Variants in WWOX observed in about 807,000 individuals in gnomAD.
WWOX encodes WW domain-containing oxidoreductase.
Under a neutral mutation model 46.2 loss-of-function variants are expected in WWOX, and 69 were observed. The observed-to-expected ratio is 1.49, with a 90% confidence interval of 1.23 to 1.82. WWOX has a LOEUF of 1.82. Ranked by LOEUF, WWOX falls within the 40% of genes most tolerant of loss-of-function variation. The probability of loss-of-function intolerance (pLI) is 0.00; values close to 1 mark genes in which losing one functional copy is unlikely to be tolerated. For synonymous variants in WWOX, 359 were observed against 202.6 expected (o/e 1.77, Z -6.56); for missense variants, 919 against 542.6 (o/e 1.69, Z -6.89).
chr16:78,417,706 A>G (rs1320350594), intron 6 of WWOX, among the ~76,000 whole-genome samples: 1 of 152,180 alleles, frequency 6.6e-6, no homozygotes, highest in African/African-American at 2.4e-5. Context: ...TTCTGCTTTG[A>G]TTTGAAGCAG....
chr16:78,348,996 G>A (rs2081141031), intron 5 of WWOX, among the ~76,000 whole-genome samples: 1 of 120,154 alleles, frequency 8.3e-6, no homozygotes, highest in South Asian at 2.5e-4. Context: ...GTACTGGTCT[G>A]CTCAGGCTGC....
In WWOX at chr16:78,498,074, G is replaced by A. The variant is rs556094050; in HGVS notation, c.1056+65322G>A. Among the ~76,000 whole-genome samples the A allele has an allele frequency of 1.8e-3, 266 of 151,748 alleles. 2 individuals carry two copies. Among genetic ancestry groups the A allele is most frequent in the African/African-American group, 5.8e-3 (239 of 41,468 alleles). On this transcript the variant is annotated intron_variant, in intron 8 of 8. Coordinates refer to ENST00000566780, the MANE Select transcript of WWOX (RefSeq NM_016373.4). ...AAAGAAATTAGCTGTGCGTGGTGGC[G>A]GGCGCCTGTAGTCCCAGCTACTTGG...
At chr16:79,169,477 C>T (rs909491706) in intron 8 of WWOX, among the ~76,000 whole-genome samples, 3 of 152,202 alleles carry the variant, frequency 2.0e-5, no homozygotes, top group East Asian at 3.9e-4. Flanking sequence ...TTCTTAAAAG[C>T]TGGGCCTGTA....
chr16:78,390,394 C>T (rs576482111), intron 6 of WWOX, among the ~76,000 whole-genome samples: 5 of 152,326 alleles, frequency 3.3e-5, no homozygotes, highest in African/African-American at 1.2e-4. Context: ...GGAGGAAACT[C>T]TCACCCATTT....
At chr16:78,792,994 T>G (rs1347355014) in intron 8 of WWOX, among the ~76,000 whole-genome samples, 1 of 152,180 alleles carries the variant, frequency 6.6e-6, no homozygotes, top group Non-Finnish European at 1.5e-5. Flanking sequence ...AGTGATACCA[T>G]TAAGTCCCTT....
chr16:78,921,997 A>C (rs761514557), intron 8 of WWOX, among the ~76,000 whole-genome samples: 1 of 152,218 alleles, frequency 6.6e-6, no homozygotes, highest in Non-Finnish European at 1.5e-5. Flanking sequence ...TGAAGCTTCT[A>C]TTGTCCTCTA....
intron 8 of WWOX, among the ~76,000 whole-genome samples, chr16:79,037,900 C>T (rs888990874): frequency 6.6e-6 from 1 of 152,068 alleles, no homozygotes; most frequent in East Asian, 1.9e-4. Context: ...CAGCTGCAGC[C>T]AAAGGACAGG....
At chr16:78,683,039 G>C (rs1256285012) in intron 8 of WWOX, among the ~76,000 whole-genome samples, 1 of 152,122 alleles carries the variant, frequency 6.6e-6, no homozygotes, top group African/African-American at 2.4e-5. Flanking sequence ...GGATACCTTT[G>C]GTGGGGTAGG....
chr16:78,468,733 C>T (rs565701628), intron 8 of WWOX, among the ~76,000 whole-genome samples: 3 of 152,176 alleles, frequency 2.0e-5, no homozygotes, highest in Admixed American at 6.5e-5. Context: ...GATGATGGTA[C>T]TTACCTCAAA....
chr16:78,946,042 A>C (rs1218992884), intron 8 of WWOX, among the ~76,000 whole-genome samples: 3 of 152,160 alleles, frequency 2.0e-5, no homozygotes, highest in African/African-American at 7.2e-5. Context: ...CTTCGCAATG[A>C]AGCTGTGCTC....
intron 4 of WWOX, among the ~76,000 whole-genome samples, chr16:78,160,787 A>G (rs2034767829): frequency 6.6e-6 from 1 of 152,178 alleles, no homozygotes; most frequent in Non-Finnish European, 1.5e-5. Flanking sequence ...ATCATATTCA[A>G]TTATTTTCAG....
chr16:78,887,081 T>TGTGTG (rs2044477010), intron 8 of WWOX, among the ~76,000 whole-genome samples: 1 of 8,940 alleles, frequency 1.1e-4, no homozygotes, highest in Non-Finnish European at 9.7e-4. Flanking sequence ...GTGTGTGGTG[T>TGTGTG]GTGTGTGTGT....
intron 8 of WWOX, among the ~76,000 whole-genome samples, chr16:78,694,876 A>G (rs2048066866): frequency 6.6e-6 from 1 of 151,004 alleles, no homozygotes; most frequent in South Asian, 2.1e-4. Flanking sequence ...TGCTTCCTGC[A>G]CTTTCTAAAT....
intron 8 of WWOX, among the ~76,000 whole-genome samples, chr16:78,444,598 C>G (rs901045890): frequency 6.7e-6 from 1 of 149,356 alleles, no homozygotes; most frequent in Non-Finnish European, 1.5e-5. Context: ...GGGGCGATCT[C>G]GGCTCACTGC....
At chr16:78,375,983 G>A (rs963810358) in intron 5 of WWOX, among the ~76,000 whole-genome samples, 24 of 151,608 alleles carry the variant, frequency 1.6e-4, no homozygotes, top group Non-Finnish European at 2.5e-4. Flanking sequence ...TCCAATTAGC[G>A]GGGACTACCA....
chr16:79,037,759 G>C (rs1340556889), intron 8 of WWOX, among the ~76,000 whole-genome samples: 1 of 152,118 alleles, frequency 6.6e-6, no homozygotes, highest in Non-Finnish European at 1.5e-5. Context: ...GTGAAGTTGA[G>C]TTGTTTTTAT....
chr16:79,079,983 G>A (rs1597355514), intron 8 of WWOX, among the ~76,000 whole-genome samples: 3 of 152,074 alleles, frequency 2.0e-5, no homozygotes, highest in South Asian at 2.1e-4. Context: ...TATTCTACGG[G>A]TATTTGTTGA....
At chr16:78,504,659 T>A (rs1039467087) in intron 8 of WWOX, among the ~76,000 whole-genome samples, 2 of 152,196 alleles carry the variant, frequency 1.3e-5, no homozygotes, top group Non-Finnish European at 2.9e-5. Context: ...CGGTTTATCC[T>A]GAACACATCT....
intron 6 of WWOX, among the ~76,000 whole-genome samples, chr16:78,419,924 A>C (rs8062045): frequency 0.16 from 23,619 of 152,102 alleles, 3,222 homozygotes; most frequent in African/African-American, 0.36. Context: ...AGAATAAAGA[A>C]CTTTTACAAT....
Sources: gnomAD v4.1 joint callset for allele counts (sites outside exome capture counted in the v4.1 genomes callset) on GRCh38, gnomAD v4.1.1 for gene constraint, MANE v1.5 for transcripts, NCBI Gene and HGNC (gene_info 2026-07-23, HGNC 2026-07-21) for gene names.